Variants in VPS53 observed in about 807,000 individuals in gnomAD.
VPS53 encodes VPS53 subunit of GARP complex, also known as vacuolar protein sorting-associated protein 53 homolog.
Under a neutral mutation model 107.0 loss-of-function variants are expected in VPS53, and 70 were observed. That is an observed-to-expected ratio of 0.65 (90% CI 0.54 to 0.80). VPS53 has a LOEUF of 0.80. Ranked by LOEUF, VPS53 falls within the 30% of genes least tolerant of loss-of-function variation. The probability of loss-of-function intolerance (pLI) is 0.00; values close to 1 mark genes in which losing one functional copy is unlikely to be tolerated. For missense variants in VPS53, 917 were observed against 1,049.4 expected (o/e 0.87, Z 1.74); for synonymous variants, 409 against 393.3 (o/e 1.04, Z -0.47).
chr17:558,023 C>G (rs1005352217), intron 15 of VPS53, among the ~76,000 whole-genome samples: 26 of 152,114 alleles, frequency 1.7e-4, no homozygotes, highest in African/African-American at 6.0e-4. Flanking sequence ...CCACACTCAA[C>G]TAACTTTTAA....
intron 10 of VPS53, among the ~76,000 whole-genome samples, chr17:626,342 G>A (rs1269926025): frequency 1.3e-5 from 2 of 152,158 alleles, no homozygotes; most frequent in African/African-American, 4.8e-5. Context: ...ACGTAGAGAG[G>A]ATGAACAAAA....
intron 2 of VPS53, chr17:706,052 C>G (rs1477506110): frequency 6.6e-6 from 1 of 152,168 alleles, no homozygotes; most frequent in African/African-American, 2.4e-5. Flanking sequence ...AACGCTATCA[C>G]ATTTAAGCCG....
At chr17:706,143 T>TA (rs2143987943) in intron 2 of VPS53, 1 of 152,314 alleles carries the variant, frequency 6.6e-6, no homozygotes, top group East Asian at 1.9e-4. Flanking sequence ...GTTTAGTGCC[T>TA]AGAGTGCTGT....
At chr17:568,002 A>C (rs1369431116) in intron 13 of VPS53, among the ~76,000 whole-genome samples, 1 of 152,174 alleles carries the variant, frequency 6.6e-6, no homozygotes, top group African/African-American at 2.4e-5. Context: ...AGACAGTTGC[A>C]GAGTGGTATC....
chr17:621,859 T>C (rs1969480038), intron 11 of VPS53, among the ~76,000 whole-genome samples: 1 of 152,236 alleles, frequency 6.6e-6, no homozygotes, highest in South Asian at 2.1e-4. Context: ...TTAAACCTTT[T>C]AGTACTTTTC....
intron 1 of VPS53, among the ~76,000 whole-genome samples, chr17:710,876 C>G (rs909786095): frequency 6.7e-6 from 1 of 148,308 alleles, no homozygotes; most frequent in Non-Finnish European, 1.5e-5. Context: ...ACCCGGGAGG[C>G]GGAGGTTACA....
At chr17:654,154 C>T (rs1445418753) in intron 6 of VPS53, among the ~76,000 whole-genome samples, 1 of 152,112 alleles carries the variant, frequency 6.6e-6, no homozygotes, top group Non-Finnish European at 1.5e-5. Context: ...GAGATCGTGC[C>T]ACTGCACTCC....
intron 2 of VPS53, among the ~76,000 whole-genome samples, chr17:702,768 G>A (rs1257481949): frequency 6.6e-6 from 1 of 152,222 alleles, no homozygotes; most frequent in Non-Finnish European, 1.5e-5. Flanking sequence ...CAGGCTTTCT[G>A]CTGGAGGGGA....
intron 19 of VPS53, among the ~76,000 whole-genome samples, chr17:523,687 G>C (rs151032999): frequency 1.4e-4 from 22 of 152,320 alleles, no homozygotes; most frequent in Middle Eastern, 3.4e-3. Context: ...CTAGTCAAAG[G>C]CCTGCACCAC....
At chr17:565,866 CTTTA>C (rs1913453365) in intron 13 of VPS53, among the ~76,000 whole-genome samples, 1 of 152,180 alleles carries the variant, frequency 6.6e-6, no homozygotes, top group Admixed American at 6.5e-5. Flanking sequence ...CCCACCAACA[CTTTA>C]TTTAACACTT....
rs1378092122 is a variant in VPS53, at chr17:566,855, T to G, written c.1314-4110A>C. 2.0e-5 allele frequency among the ~76,000 whole-genome samples: 3 copies of G among 152,086 alleles called. No individual in the cohort carries two copies. In the East Asian group the frequency reaches 5.8e-4, roughly 29 times the overall value. On this transcript the variant is annotated intron_variant, in intron 13 of 21. Coordinates refer to ENST00000437048, the MANE Select transcript of VPS53 (RefSeq NM_001128159.3). The stretch of plus-strand genomic sequence containing the variant: ...GCCTCCCGGGTTCAAGTGATTCTAC[T>G]GCCTCAGCTTCCTGAGTAGCTGGGA...
chr17:542,435 T>C (rs1743840213), intron 17 of VPS53, among the ~76,000 whole-genome samples: 1 of 152,196 alleles, frequency 6.6e-6, no homozygotes, highest in Non-Finnish European at 1.5e-5. Context: ...GCCTCAGTAT[T>C]CTCGTCTATA....
At chr17:615,150 C>T (rs987618112) in intron 11 of VPS53, among the ~76,000 whole-genome samples, 7 of 152,180 alleles carry the variant, frequency 4.6e-5, no homozygotes, top group African/African-American at 1.7e-4. Flanking sequence ...AATTTATAGA[C>T]TCTCTTGAAT....
intron 15 of VPS53, among the ~76,000 whole-genome samples, chr17:554,148 T>C (rs1912123800): frequency 6.6e-6 from 1 of 152,098 alleles, no homozygotes; most frequent in South Asian, 2.1e-4. Context: ...TGAGTAGCAG[T>C]AAAACCAGCT....
In VPS53 at chr17:510,613, A is replaced by G; in HGVS notation, c.*8515T>C. 1 of 153,758 alleles carries G rather than the reference A, an allele frequency of 6.5e-6. No individual in the cohort carries two copies. 9.5% of individuals were successfully genotyped at this position (153,758 alleles called of 1,614,324 possible). ...AAGTCCCGTCCACTAAACGGAGCTT[A>G]ACTTAGCAGGAATTTCATCCGATGA... is the stretch of plus-strand genomic sequence containing the variant. On this transcript the variant is annotated 3_prime_UTR_variant, in exon 22 of 22. Transcript: ENST00000437048.
At chr17:565,718 C>A (rs1444377073) in intron 13 of VPS53, among the ~76,000 whole-genome samples, 1 of 151,820 alleles carries the variant, frequency 6.6e-6, no homozygotes, top group Non-Finnish European at 1.5e-5. Context: ...GGCCTCGCAA[C>A]GGCTCCCCTG....
At chr17:682,681 C>T (rs1972443587) in intron 4 of VPS53, among the ~76,000 whole-genome samples, 1 of 151,964 alleles carries the variant, frequency 6.6e-6, no homozygotes, top group Non-Finnish European at 1.5e-5. Flanking sequence ...AAAATGGGGG[C>T]ACTCTCTCCT....
rs1233489781 is a variant in VPS53, at chr17:519,342, G to C, written c.2329-44C>G. 1.9e-5 allele frequency: 28 copies of C among 1,442,958 alleles called. No homozygotes were observed. In the Admixed American group the frequency reaches 7.9e-4, roughly 41 times the overall value. The allele number at this position is 1,442,958 out of a possible 1,614,324, so 89.4% of individuals were successfully genotyped here. A position where few individuals can be genotyped will look rare whatever the true frequency, so the allele number is the denominator to read the frequency against. On this transcript the variant is annotated intron_variant, in intron 21 of 21. Transcript: ENST00000437048. The surrounding 1 kb of genome is among the most constrained non-coding windows in gnomAD (Gnocchi z 5.0). ...CAGAACCGTCACGAAGTCTGGGCCA[G>C]AATGGCCCACGGGGGACAGCGCAGT...
chr17:534,492 A>G (rs1909865492), intron 18 of VPS53, among the ~76,000 whole-genome samples: 1 of 152,208 alleles, frequency 6.6e-6, no homozygotes, highest in Non-Finnish European at 1.5e-5. Context: ...CAGGAAGGAG[A>G]GTAAACAAGG....
Sources: allele counts gnomAD v4.1 joint callset (sites outside exome capture counted in the v4.1 genomes callset), GRCh38; gene constraint gnomAD v4.1.1; non-coding constraint Gnocchi (gnomAD v3.1); transcripts MANE v1.5; gene names NCBI Gene and HGNC (gene_info 2026-07-23, HGNC 2026-07-21).